The following AKAP13 variants were observed in gnomAD, a reference collection of about 807,000 sequenced individuals.
The protein encoded by AKAP13 is A-kinase anchoring protein 13.
In AKAP13, 80 loss-of-function variants were observed where a neutral mutation model predicts 264.5. That is an observed-to-expected ratio of 0.30 (90% CI 0.25 to 0.36). The LOEUF (loss-of-function observed/expected upper bound fraction) is 0.36, where lower values mean the gene tolerates loss of function less well. Among genes scored for constraint, AKAP13 ranks in the 10% least tolerant of loss-of-function variants. The pLI is 1.00. For missense variants in AKAP13, 3,712 were observed against 3,435.2 expected (o/e 1.08, Z -2.01); for synonymous variants, 1,380 against 1,250.2 (o/e 1.10, Z -2.19).
intron 1 of AKAP13, among the ~76,000 whole-genome samples, chr15:85,472,286 C>T (rs966698234): frequency 5.3e-5 from 8 of 150,674 alleles, no homozygotes; most frequent in Admixed American, 5.3e-4. Context: ...GCAGGAGGAT[C>T]ACTTGAGCCC....
intron 21 of AKAP13, 64 bp downstream of exon 21, chr15:85,717,466 G>C: frequency 8.7e-7 from 1 of 1,152,484 alleles, no homozygotes; most frequent in Non-Finnish European, 1.3e-6. Flanking sequence ...TCATTACCTA[G>C]AACATAAGTC....
intron 8 of AKAP13, among the ~76,000 whole-genome samples, chr15:85,601,063 A>G (rs772656930): frequency 2.6e-5 from 4 of 152,246 alleles, no homozygotes; most frequent in Non-Finnish European, 5.9e-5. Context: ...ATGCTGAGCA[A>G]AATTTATCCT....
intron 10 of AKAP13, among the ~76,000 whole-genome samples, chr15:85,652,326 C>T (rs566894721): frequency 2.0e-5 from 3 of 152,040 alleles, no homozygotes. Context: ...CAAAATCCTT[C>T]CAAGATTGGA....
In AKAP13 at chr15:85,745,626, T is replaced by C. The variant is rs547452301; in HGVS notation, c.*949T>C. On this transcript the variant is annotated 3_prime_UTR_variant, in exon 37 of 37. Transcript: ENST00000394518. ...TGTTCCTGAGCCCCCGTCGTGCCTC[T>C]CCCAGACAGCAGCTGTCTGGCCCTT... 6.6e-6 allele frequency: 1 copy of C among 152,314 alleles called. No homozygotes were observed. The highest frequency in any genetic ancestry group is 1.5e-5 in the Non-Finnish European group (1 of 68,042). The allele number at this position is 152,314 out of a possible 1,614,324, so 9.4% of individuals were successfully genotyped here.
chr15:85,736,172 T>G (rs372940993), intron 33 of AKAP13, 38 bp downstream of exon 33: 1 of 1,504,736 alleles, frequency 6.6e-7, no homozygotes, highest in Non-Finnish European at 9.1e-7. Context: ...AATATGTGTT[T>G]GTTGTCATTG....
chr15:85,586,935 A>G (rs990060442), intron 8 of AKAP13, among the ~76,000 whole-genome samples: 2 of 110,838 alleles, frequency 1.8e-5, no homozygotes, highest in Non-Finnish European at 2.0e-5. Flanking sequence ...CTCAAAAAAA[A>G]AAAAATAAGA....
chr15:85,582,795 A>G (rs1424064479), intron 7 of AKAP13: 1 of 816,166 alleles, frequency 1.2e-6, no homozygotes, highest in Non-Finnish European at 1.5e-6. Context: ...GACCCTGCAC[A>G]GTGCAGGGGA....
intron 1 of AKAP13, among the ~76,000 whole-genome samples, chr15:85,399,535 A>AAAAAAAAAAAATAAAT (rs1567038735): frequency 9.5e-6 from 1 of 105,602 alleles, no homozygotes; most frequent in Non-Finnish European, 1.8e-5. Flanking sequence ...AAAAAATAAA[A>AAAAAAAAAAAATAAAT]AAATAAATAA....
intron 1 of AKAP13, among the ~76,000 whole-genome samples, chr15:85,391,834 G>C (rs1293684086): frequency 6.6e-6 from 1 of 151,898 alleles, no homozygotes; most frequent in Admixed American, 6.6e-5. Context: ...ACCCAGGCTG[G>C]AGTGCAGCGG....
chr15:85,637,076 T>G (rs1273145477), intron 8 of AKAP13, among the ~76,000 whole-genome samples: 1 of 152,224 alleles, frequency 6.6e-6, no homozygotes, highest in African/African-American at 2.4e-5. Context: ...TTGTTAAGGT[T>G]TTTTGCATCT....
At chr15:85,451,082 G>T (rs757963229) in intron 1 of AKAP13, among the ~76,000 whole-genome samples, 4 of 152,168 alleles carry the variant, frequency 2.6e-5, no homozygotes, top group Non-Finnish European at 4.4e-5. Flanking sequence ...TCTTCTTGTT[G>T]AATTGAACCC....
chr15:85,381,425 G>T (rs533760282), intron 1 of AKAP13, among the ~76,000 whole-genome samples: 5 of 150,954 alleles, frequency 3.3e-5, no homozygotes, highest in Admixed American at 1.3e-4. Context: ...GTCCCCACGC[G>T]CTCTGGGACC....
At position 85,734,889 on chromosome 15, in the gene AKAP13, G is replaced by A. The variant is rs560598046; in HGVS notation, c.7283-103G>A. Reference sequence around the variant, plus strand: ...AAGGAACTCACCCAGTCACTCTTTGGAACTTTCAAGTCGTGCTCTTTGTAC... The same window carrying A: ...AAGGAACTCACCCAGTCACTCTTTGAAACTTTCAAGTCGTGCTCTTTGTAC... On this transcript the variant is annotated intron_variant, in intron 30 of 36. Coordinates refer to ENST00000394518, the MANE Select transcript of AKAP13 (RefSeq NM_007200.5). 9.0e-6 allele frequency: 13 copies of A among 1,452,106 alleles called. No homozygotes were observed. The South Asian group carries it at 1.8e-4, about 20-fold the overall frequency. 90.0% of individuals were successfully genotyped at this position (1,452,106 alleles called of 1,614,324 possible). A position where few individuals can be genotyped will look rare whatever the true frequency, so the allele number is the denominator to read the frequency against.
chr15:85,445,156 T>G (rs1322224899), intron 1 of AKAP13, among the ~76,000 whole-genome samples: 1 of 152,206 alleles, frequency 6.6e-6, no homozygotes, highest in Non-Finnish European at 1.5e-5. Flanking sequence ...TTCTTTGGAA[T>G]GAATGTCCTT....
chr15:85,383,646 G>A (rs1267504847), intron 1 of AKAP13, among the ~76,000 whole-genome samples: 1 of 152,218 alleles, frequency 6.6e-6, no homozygotes, highest in Non-Finnish European at 1.5e-5. Context: ...GGAAACAATA[G>A]CGAGTTTATC....
At chr15:85,456,859 C>G (rs75803251) in intron 1 of AKAP13, among the ~76,000 whole-genome samples, 1 of 152,156 alleles carries the variant, frequency 6.6e-6, no homozygotes, top group Non-Finnish European at 1.5e-5. Context: ...TATTACTATA[C>G]GTTCTTGTTG....
chr15:85,629,303 G>A (rs1459744193), intron 8 of AKAP13, among the ~76,000 whole-genome samples: 1 of 152,118 alleles, frequency 6.6e-6, no homozygotes, highest in African/African-American at 2.4e-5. Context: ...TGGAAGTGAG[G>A]AAACCTTGGG....
chr15:85,434,021 C>T (rs1276981256), intron 1 of AKAP13, among the ~76,000 whole-genome samples: 2 of 151,936 alleles, frequency 1.3e-5, no homozygotes, highest in East Asian at 1.9e-4. Context: ...CCAGCGTGAG[C>T]GACGCAGAAG....
In AKAP13 at chr15:85,543,262, G is replaced by C. The variant is rs534343124; in HGVS notation, c.479-510G>C. Among the ~76,000 whole-genome samples, 16 of 152,288 alleles carry C rather than the reference G, an allele frequency of 1.1e-4. No homozygotes were observed. The East Asian group carries it at 3.1e-3, about 29-fold the overall frequency. ...AAAAAGACCCATGTGTACTGAACAA[G>C]CAGAACCTGTTTTTAGTGTTTAACT... On this transcript the variant is annotated intron_variant, in intron 4 of 36. Transcript: ENST00000394518.
Sources: gnomAD v4.1 joint callset for allele counts (sites outside exome capture counted in the v4.1 genomes callset) on GRCh38, gnomAD v4.1.1 for gene constraint, MANE v1.5 for transcripts, NCBI Gene and HGNC (gene_info 2026-07-23, HGNC 2026-07-21) for gene names.